The following SFRP1 variants were observed in gnomAD, a reference collection of about 807,000 sequenced individuals.
SFRP1 encodes secreted frizzled related protein 1, also known as secreted frizzled-related protein 1.
A neutral mutation model predicts 25.9 loss-of-function variants in SFRP1; 9 were observed. The ratio of observed to expected loss-of-function variants is 0.35; its 90% CI spans 0.21 to 0.61. SFRP1 has a LOEUF of 0.61. Ranked by LOEUF, SFRP1 falls within the 20% of genes least tolerant of loss-of-function variation. SFRP1 has a pLI of 0.78. For synonymous variants in SFRP1, 178 were observed against 174.0 expected (o/e 1.02, Z -0.18); for missense variants, 346 against 418.2 (o/e 0.83, Z 1.51).
intron 2 of SFRP1, among the ~76,000 whole-genome samples, chr8:41,283,832 G>C (rs963417294): frequency 3.3e-5 from 5 of 152,186 alleles, no homozygotes; most frequent in Non-Finnish European, 7.4e-5. Context: ...CAAAGTGCTG[G>C]GATTACAGGT....
Position 41,309,384 on chromosome 8 carries a change from C to A in SFRP1, c.-225G>T, listed in dbSNP as rs922335191. On this transcript the variant is annotated 5_prime_UTR_variant, in exon 1 of 3. Transcript: ENST00000220772. ...GGGAGGCGGCGCTGCGGGCTGGGTGCGCCCCGGCTCCCGGAGGTGCGGCGA... is the reference window on the plus strand; with the variant it reads ...GGGAGGCGGCGCTGCGGGCTGGGTGAGCCCCGGCTCCCGGAGGTGCGGCGA... 2.8e-5 allele frequency: 7 copies of A among 253,356 alleles called. No individual in the cohort carries two copies. The highest frequency in any genetic ancestry group is 4.0e-5 in the Non-Finnish European group (6 of 148,226). The allele number at this position is 253,356 out of a possible 1,614,324, so 15.7% of individuals were successfully genotyped here.
intron 2 of SFRP1, among the ~76,000 whole-genome samples, chr8:41,288,420 C>T (rs2117502259): frequency 1.3e-5 from 2 of 151,636 alleles, no homozygotes; most frequent in South Asian, 4.2e-4. Context: ...CACCTGCAGT[C>T]CCTGTACTTG....
chr8:41,306,587 G>T (rs867921506), intron 1 of SFRP1: 4 of 1,031,050 alleles, frequency 3.9e-6, no homozygotes, highest in African/African-American at 1.6e-5. Context: ...CCTGGGGAGG[G>T]TGGTGTGCCA....
intron 2 of SFRP1, chr8:41,298,036 G>A (rs992519566): frequency 2.0e-5 from 3 of 152,174 alleles, no homozygotes; most frequent in African/African-American, 7.2e-5. Flanking sequence ...TTGGGTCACT[G>A]AATGCCTAAC....
At chr8:41,266,603 T>A (rs1398070924) in intron 2 of SFRP1, among the ~76,000 whole-genome samples, 2 of 136,870 alleles carry the variant, frequency 1.5e-5, no homozygotes, top group East Asian at 2.1e-4. Flanking sequence ...GCCTGGCTGA[T>A]TTTTTTTTTT....
At chr8:41,282,319 C>A (rs926877487) in intron 2 of SFRP1, among the ~76,000 whole-genome samples, 4 of 152,160 alleles carry the variant, frequency 2.6e-5, no homozygotes, top group Admixed American at 2.0e-4. Flanking sequence ...AGTTTGAGAC[C>A]AGCCTGGGCA....
chr8:41,308,712 A>G lies in SFRP1; in HGVS notation c.448T>C (p.Tyr150His), dbSNP rs1443018881. Residue 150 changes from tyrosine (Y) to histidine (H), a missense_variant, in exon 1 of 3, where the codon TAC becomes CAC. By Grantham distance (83) the Tyr-to-His change is moderately conservative. Coordinates refer to ENST00000220772, the MANE Select transcript of SFRP1 (RefSeq NM_003012.5). ...TCACACTTAAGCATCTCGGGCCAGT[A>G]GAAGCCGAAGAACTGCATGACCGGC... ...CEPVMQFFGF[Y>H]WPEMLKCDKF... 2.5e-6 allele frequency: 4 copies of G among 1,611,012 alleles called. No homozygotes were observed. The highest frequency in any genetic ancestry group is 3.4e-6 in the Non-Finnish European group (4 of 1,178,638).
Position 41,308,687 on chromosome 8 carries a change from T to C in SFRP1, c.473A>G (p.Asp158Gly), listed in dbSNP as rs1450662153. ...GCAGACGTCCCCCTCGGGGAACTTG[T>C]CACACTTAAGCATCTCGGGCCAGTA... ...GFYWPEMLKC[D>G]KFPEGDVCIA... is the part of the protein sequence containing the mutation. Residue 158 changes from aspartate (D) to glycine (G), a missense_variant, in exon 1 of 3, where the codon GAC (aspartate) becomes GGC (glycine). By Grantham distance (94) the Asp-to-Gly change is moderately conservative. Transcript: ENST00000220772. The C allele has an allele frequency of 1.9e-6, 3 of 1,611,328 alleles. No individual in the cohort carries two copies. The highest frequency in any genetic ancestry group is 2.5e-6 in the Non-Finnish European group (3 of 1,178,650).
chr8:41,293,814 C>T (rs1032888152), intron 2 of SFRP1, among the ~76,000 whole-genome samples: 2 of 152,106 alleles, frequency 1.3e-5, no homozygotes, highest in Non-Finnish European at 2.9e-5. Context: ...TGTCTCAGAC[C>T]CAGGCTGGAG....
At chr8:41,267,382 G>A (rs536267220) in intron 2 of SFRP1, among the ~76,000 whole-genome samples, 32 of 152,270 alleles carry the variant, frequency 2.1e-4, no homozygotes, top group Middle Eastern at 3.4e-3. Context: ...ACACAGTGTC[G>A]CGGGTACAAT....
chr8:41,293,566 C>G (rs528368660), intron 2 of SFRP1, among the ~76,000 whole-genome samples: 4 of 152,208 alleles, frequency 2.6e-5, no homozygotes, highest in African/African-American at 9.6e-5. Flanking sequence ...TAATCTTCAG[C>G]CTGACAGTTA....
intron 2 of SFRP1, among the ~76,000 whole-genome samples, chr8:41,289,109 C>T (rs1053925979): frequency 6.6e-6 from 1 of 152,212 alleles, no homozygotes; most frequent in African/African-American, 2.4e-5. Context: ...AGGCACATAG[C>T]GACTTCTCTT....
At chr8:41,299,505 A>T (rs1277615789) in intron 2 of SFRP1, among the ~76,000 whole-genome samples, 3 of 81,508 alleles carry the variant, frequency 3.7e-5, no homozygotes, top group Admixed American at 3.3e-4. Flanking sequence ...TTTATAAAAA[A>T]AAAAAAAAAA....
chr8:41,274,982 T>C, intron 2 of SFRP1: 1 of 300,456 alleles, frequency 3.3e-6, no homozygotes. Context: ...AATTCTGCTT[T>C]CTCAACCAGC....
chr8:41,307,119 G>A (rs577574607), intron 1 of SFRP1: 12 of 929,566 alleles, frequency 1.3e-5, no homozygotes, highest in African/African-American at 5.0e-5. Context: ...GGAAATTCCC[G>A]CAGGCTGCAG....
chr8:41,287,257 G>A lies in SFRP1; in HGVS notation c.622+16204C>T, dbSNP rs1029147199. On this transcript the variant is annotated intron_variant, in intron 2 of 2. Coordinates refer to ENST00000220772, the MANE Select transcript of SFRP1 (RefSeq NM_003012.5). ...CCACTTGAAGGGGTTATATAGGGAA[G>A]AGAATGGCCAGGCCCCAGGAAAGTG... is the stretch of plus-strand genomic sequence containing the variant. Among the ~76,000 whole-genome samples the A allele has an allele frequency of 3.3e-5, 5 of 152,250 alleles. No homozygotes were observed. In the South Asian group the frequency reaches 6.2e-4, roughly 19 times the overall value.
intron 2 of SFRP1, among the ~76,000 whole-genome samples, chr8:41,267,125 ATT>A (rs1263954595): frequency 6.6e-6 from 1 of 152,192 alleles, no homozygotes; most frequent in Admixed American, 6.5e-5. Context: ...TGAAGTCCTA[ATT>A]GATAAATCCA....
In SFRP1 at chr8:41,262,395, G is replaced by T. The variant is rs1203592526; in HGVS notation, c.*2772C>A. ...AACAGATTTTAGGTTTGGGAAATGG[G>T]ATTACTGTAATTTACACATCCAAAT... On this transcript the variant is annotated 3_prime_UTR_variant, in exon 3 of 3. Coordinates refer to ENST00000220772, the MANE Select transcript of SFRP1 (RefSeq NM_003012.5). The T allele has an allele frequency of 6.6e-6, 1 of 152,168 alleles. No homozygotes were observed. The highest frequency in any genetic ancestry group is 1.5e-5 in the Non-Finnish European group (1 of 68,028). 9.4% of individuals were successfully genotyped at this position (152,168 alleles called of 1,614,324 possible).
intron 1 of SFRP1, among the ~76,000 whole-genome samples, chr8:41,306,326 T>C (rs773988849): frequency 3.5e-4 from 53 of 152,304 alleles, no homozygotes; most frequent in Admixed American, 3.9e-4. Context: ...GCATTTTAAT[T>C]TTAAAGAATA....
Sources: allele counts gnomAD v4.1 joint callset (sites outside exome capture counted in the v4.1 genomes callset), GRCh38; gene constraint gnomAD v4.1.1; transcripts MANE v1.5; gene names NCBI Gene and HGNC (gene_info 2026-07-23, HGNC 2026-07-21).